The following RDX variants were observed in gnomAD, a reference collection of about 807,000 sequenced individuals.
RDX encodes radixin, also known as deafness, autosomal recessive 24.
A neutral mutation model predicts 83.7 loss-of-function variants in RDX; 32 were observed. That is an observed-to-expected ratio of 0.38 (90% CI 0.29 to 0.51). RDX has a LOEUF of 0.51. Ranked by LOEUF, RDX falls within the 20% of genes least tolerant of loss-of-function variation. RDX has a pLI of 0.87. For missense variants in RDX, 600 were observed against 689.9 expected (o/e 0.87, Z 1.46); for synonymous variants, 229 against 222.7 (o/e 1.03, Z -0.25).
intron 14 of RDX, among the ~76,000 whole-genome samples, chr11:110,212,716 CAG>C (rs1308562888): frequency 1.8e-5 from 2 of 110,620 alleles, no homozygotes; most frequent in Non-Finnish European, 3.7e-5. Flanking sequence ...AGCATATAAA[CAG>C]AGCCAAAGAC....
intron 9 of RDX, among the ~76,000 whole-genome samples, chr11:110,250,123 A>G (rs896079395): frequency 6.6e-6 from 1 of 152,222 alleles, no homozygotes; most frequent in African/African-American, 2.4e-5. Context: ...ACACTTCTAG[A>G]AGACGTGAGT....
At chr11:110,215,394 A>T (rs1313850557) in intron 14 of RDX, among the ~76,000 whole-genome samples, 2 of 150,168 alleles carry the variant, frequency 1.3e-5, no homozygotes, top group African/African-American at 4.9e-5. Context: ...ATAAATAAAT[A>T]AATAAATAAA....
chr11:110,192,494 C>G (rs1863122191), intron 15 of RDX, among the ~76,000 whole-genome samples: 1 of 152,088 alleles, frequency 6.6e-6, no homozygotes. Context: ...GCAATTGCAG[C>G]AAAAGCAAAA....
At chr11:110,271,876 C>T (rs1385304696) in intron 3 of RDX, among the ~76,000 whole-genome samples, 1 of 152,146 alleles carries the variant, frequency 6.6e-6, no homozygotes, top group African/African-American at 2.4e-5. Context: ...ATCCTAAATG[C>T]TGCAAAATCT....
chr11:110,182,593 CCT>C (rs1380096257), intron 15 of RDX, among the ~76,000 whole-genome samples: 2 of 147,436 alleles, frequency 1.4e-5, no homozygotes, highest in East Asian at 1.9e-4. Flanking sequence ...AGAGCCAGCC[CCT>C]GTCTCAAACA....
chr11:110,280,875 A>G (rs1860734360), intron 1 of RDX, among the ~76,000 whole-genome samples: 1 of 151,946 alleles, frequency 6.6e-6, no homozygotes, highest in African/African-American at 2.4e-5. Context: ...TTAAGATGCC[A>G]TAACTAAGGC....
intron 1 of RDX, among the ~76,000 whole-genome samples, chr11:110,280,241 ATTTT>A (rs558359776): frequency 2.7e-5 from 4 of 148,720 alleles, no homozygotes; most frequent in Non-Finnish European, 6.0e-5. Flanking sequence ...GAAGAAACTA[ATTTT>A]TTTTTTTTAT....
At chr11:110,277,403 T>C (rs1323275606) in intron 2 of RDX, among the ~76,000 whole-genome samples, 1 of 152,190 alleles carries the variant, frequency 6.6e-6, no homozygotes, top group African/African-American at 2.4e-5. Flanking sequence ...CACTGCAACC[T>C]TCGCCTCCTG....
intron 9 of RDX, 173 bp downstream of exon 9, chr11:110,253,773 G>T: frequency 1.6e-6 from 1 of 636,882 alleles, no homozygotes; most frequent in Non-Finnish European, 2.7e-6. Flanking sequence ...TTTCTAACTT[G>T]AAAATTATAC....
In RDX at chr11:110,197,298, G is replaced by C. The variant is rs535976160; in HGVS notation, c.*31+2283C>G. ...GATAGGATGACAGTGCTGTGGAGAA[G>C]CCCTGGGGGCAGTGGGAGACGGACC... On this transcript the variant is annotated intron_variant, in intron 15 of 15. Coordinates refer to the RDX transcript ENST00000528498. 2.6e-5 allele frequency among the ~76,000 whole-genome samples: 4 copies of C among 152,294 alleles called. No individual in the cohort carries two copies. The South Asian group carries it at 8.3e-4, about 32-fold the overall frequency.
At chr11:110,188,059 C>T (rs573518738) in intron 15 of RDX, among the ~76,000 whole-genome samples, 8 of 152,142 alleles carry the variant, frequency 5.3e-5, no homozygotes, top group African/African-American at 1.2e-4. Flanking sequence ...TTTGGGAGGC[C>T]GAGGCAGACA....
intron 9 of RDX, among the ~76,000 whole-genome samples, chr11:110,249,674 G>C (rs997592351): frequency 6.6e-6 from 1 of 152,242 alleles, no homozygotes; most frequent in African/African-American, 2.4e-5. Context: ...AGGAGTCCAA[G>C]ACCAGGGCAA....
intron 9 of RDX, among the ~76,000 whole-genome samples, chr11:110,251,923 C>G (rs1419896258): frequency 6.8e-6 from 1 of 146,380 alleles, no homozygotes; most frequent in Non-Finnish European, 1.5e-5. Flanking sequence ...TGTTCTTGCC[C>G]AAGAGAGTCT....
At chr11:110,294,206 C>G (rs920259664) in intron 1 of RDX, among the ~76,000 whole-genome samples, 2 of 152,184 alleles carry the variant, frequency 1.3e-5, no homozygotes, top group African/African-American at 4.8e-5. Flanking sequence ...ACCAGCCTGG[C>G]CAACATGGCA....
chr11:110,204,494 T>A (rs1863528090), intron 14 of RDX, among the ~76,000 whole-genome samples: 2 of 150,692 alleles, frequency 1.3e-5, no homozygotes, highest in East Asian at 3.9e-4. Context: ...GTAATTACTT[T>A]TCTTTCTTTT....
intron 10 of RDX, among the ~76,000 whole-genome samples, chr11:110,242,517 T>G (rs1305461840): frequency 6.6e-6 from 1 of 151,620 alleles, no homozygotes; most frequent in Non-Finnish European, 1.5e-5. Flanking sequence ...AAAAATTGTT[T>G]CTGTATTATG....
At chr11:110,260,490 G>A (rs1277292672) in intron 5 of RDX, among the ~76,000 whole-genome samples, 1 of 152,074 alleles carries the variant, frequency 6.6e-6, no homozygotes, top group Non-Finnish European at 1.5e-5. Flanking sequence ...CGCCCAGGCT[G>A]GAGTGCAGTG....
At chr11:110,295,082 G>A (rs1190910725) in intron 1 of RDX, among the ~76,000 whole-genome samples, 1 of 152,164 alleles carries the variant, frequency 6.6e-6, no homozygotes, top group East Asian at 1.9e-4. Flanking sequence ...TTTACATGTT[G>A]CTGTATTTGA....
intron 2 of RDX, chr11:110,272,939 A>G (rs1303798819): frequency 4.3e-6 from 2 of 464,030 alleles, no homozygotes; most frequent in Non-Finnish European, 4.3e-6. Context: ...TAAAAGGCAG[A>G]GCAAGAGCTG....
Sources: allele counts gnomAD v4.1 joint callset (sites outside exome capture counted in the v4.1 genomes callset), GRCh38; gene constraint gnomAD v4.1.1; transcripts MANE v1.5; gene names NCBI Gene and HGNC (gene_info 2026-07-23, HGNC 2026-07-21).